The following GPAT4 variants were observed in gnomAD, a reference collection of about 807,000 sequenced individuals.
GPAT4 encodes the protein 1-AGP acyltransferase 6.
In GPAT4, 17 loss-of-function variants were observed where a neutral mutation model predicts 58.0. The observed-to-expected ratio is 0.29, with a 90% confidence interval of 0.20 to 0.44. GPAT4 has a LOEUF of 0.44. GPAT4 is among the 20% of genes least tolerant of loss of function. GPAT4 has a pLI of 1.00. For synonymous variants in GPAT4, 204 were observed against 210.1 expected (o/e 0.97, Z 0.25); for missense variants, 377 against 574.5 (o/e 0.66, Z 3.51).
At chr8:41,610,284 A>G (rs1803403687) in intron 4 of GPAT4, 2 of 1,238,424 alleles carry the variant, frequency 1.6e-6, no homozygotes, top group Admixed American at 4.1e-5. Context: ...CCTCTCAGGT[A>G]CAGGGGCAGT....
At chr8:41,600,031 C>CTTTTTTTTTTTTTTT (rs1563273268) in intron 2 of GPAT4, among the ~76,000 whole-genome samples, 9 of 75,444 alleles carry the variant, frequency 1.2e-4, no homozygotes, top group African/African-American at 4.5e-4. Flanking sequence ...TTATCTTTTT[C>CTTTTTTTTTTTTTTT]TTTTCTTTTT....
At chr8:41,606,702 A>C (rs1050111653) in intron 2 of GPAT4, among the ~76,000 whole-genome samples, 58 of 152,336 alleles carry the variant, frequency 3.8e-4, no homozygotes, top group African/African-American at 1.3e-3. Context: ...TGGCCAAAAA[A>C]CAGGCTATGG....
chr8:41,609,991 G>A (rs763745101), intron 4 of GPAT4, 36 bp downstream of exon 4: 1 of 1,562,944 alleles, frequency 6.4e-7, no homozygotes, highest in Non-Finnish European at 8.7e-7. Context: ...GCTCGCTGCT[G>A]CCACCCCACG....
chr8:41,606,567 A>G (rs1291550180), intron 2 of GPAT4, among the ~76,000 whole-genome samples: 1 of 152,218 alleles, frequency 6.6e-6, no homozygotes, highest in African/African-American at 2.4e-5. Context: ...AAGCAGATTA[A>G]TAAAAGAAAA....
At chr8:41,611,801 C>A in intron 5 of GPAT4, 102 bp from the exon 6 acceptor site, 2 of 1,016,658 alleles carry the variant, frequency 2.0e-6, no homozygotes, top group South Asian at 1.4e-5. Context: ...TCTATACAAG[C>A]ACTTTGCTGT....
chr8:41,599,322 A>C lies in GPAT4; in HGVS notation c.165+18A>C, dbSNP rs768082923. 6.2e-7 allele frequency: 1 copy of C among 1,612,886 alleles called. No individual in the cohort carries two copies. The highest frequency in any genetic ancestry group is 8.5e-7 in the Non-Finnish European group (1 of 1,179,672). ...TCTTTGCGGTAAGTTATGCTGTTAC[A>C]AAAGGTTGCTTCACAGAGGAGGGTA... On this transcript the variant is annotated intron_variant, in intron 2 of 12. Coordinates refer to ENST00000396987, the MANE Select transcript of GPAT4 (RefSeq NM_178819.4).
intron 2 of GPAT4, among the ~76,000 whole-genome samples, chr8:41,605,891 A>G (rs2150497987): frequency 6.6e-6 from 1 of 152,262 alleles, no homozygotes; most frequent in East Asian, 1.9e-4. Context: ...TTTTTGAACA[A>G]GAAAGTGACG....
At chr8:41,617,841 A>G (rs755434917) in intron 10 of GPAT4, among the ~76,000 whole-genome samples, 1 of 152,160 alleles carries the variant, frequency 6.6e-6, no homozygotes, top group Non-Finnish European at 1.5e-5. Flanking sequence ...ATCCCTTCAG[A>G]CATTCGCTGG....
At chr8:41,597,953 C>G (rs1802975898) in intron 1 of GPAT4, among the ~76,000 whole-genome samples, 1 of 152,242 alleles carries the variant, frequency 6.6e-6, no homozygotes, top group South Asian at 2.1e-4. Flanking sequence ...CGGAACCACT[C>G]TGAGTATCTG....
chr8:41,613,414 T>C (rs1355174723), intron 8 of GPAT4, among the ~76,000 whole-genome samples: 1 of 151,914 alleles, frequency 6.6e-6, no homozygotes, highest in Non-Finnish European at 1.5e-5. Context: ...ACCCTAGTAT[T>C]ATTTACCAAG....
intron 10 of GPAT4, 167 bp from the exon 11 acceptor site, chr8:41,618,517 T>C: frequency 1.2e-6 from 1 of 840,600 alleles, no homozygotes; most frequent in Non-Finnish European, 1.9e-6. Flanking sequence ...TTGCTCACAG[T>C]CAGAACCGGC....
chr8:41,616,697 C>G (rs1045185382), intron 10 of GPAT4, among the ~76,000 whole-genome samples: 1 of 152,146 alleles, frequency 6.6e-6, no homozygotes, highest in African/African-American at 2.4e-5. Context: ...TAGCTGCTGT[C>G]AGAACACGAA....
chr8:41,587,370 T>C (rs1802682931), intron 1 of GPAT4, among the ~76,000 whole-genome samples: 1 of 152,032 alleles, frequency 6.6e-6, no homozygotes, highest in Non-Finnish European at 1.5e-5. Context: ...GGAAATACAT[T>C]CAAATTCCCC....
At chr8:41,619,027 T>C (rs1395165830) in intron 12 of GPAT4, 50 bp downstream of exon 12, 1 of 1,587,410 alleles carries the variant, frequency 6.3e-7, no homozygotes, top group Non-Finnish European at 8.6e-7. Context: ...GCAGATGCTG[T>C]GTCATTGACT....
chr8:41,614,520 GC>G, intron 9 of GPAT4, 79 bp downstream of exon 9: 1 of 1,390,390 alleles, frequency 7.2e-7, no homozygotes. Context: ...GGGAACCAAG[GC>G]CCTCAGCCCT....
rs150362670 is a variant in GPAT4, at chr8:41,584,022, A to G, written c.-849+5744A>G. ...GGTGATCCTCCCACCTAAGCCTCCC[A>G]AATAGCTGGGATTACAGGAATGCAC... On this transcript the variant is annotated intron_variant, in intron 1 of 12. Transcript: ENST00000396987. 2.8e-4 allele frequency among the ~76,000 whole-genome samples: 43 copies of G among 152,232 alleles called. No homozygotes were observed. In the East Asian group the frequency reaches 7.3e-3, roughly 26 times the overall value.
intron 2 of GPAT4, among the ~76,000 whole-genome samples, chr8:41,601,620 G>A (rs2150494288): frequency 6.6e-6 from 1 of 152,292 alleles, no homozygotes; most frequent in African/African-American, 2.4e-5. Context: ...TTATTAAAAG[G>A]TAGAAGTAAG....
At chr8:41,580,826 T>G (rs1456244966) in intron 1 of GPAT4, among the ~76,000 whole-genome samples, 4 of 152,176 alleles carry the variant, frequency 2.6e-5, no homozygotes, top group African/African-American at 9.7e-5. Flanking sequence ...AGGCAACTGT[T>G]GTGTGTCTAT....
chr8:41,609,335 C>T (rs944362692), intron 2 of GPAT4, 81 bp from the exon 3 acceptor site: 1 of 1,427,124 alleles, frequency 7.0e-7, no homozygotes, highest in African/African-American at 1.4e-5. Flanking sequence ...CTGAGGCTTT[C>T]ACAGAATAGA....
Sources: gnomAD v4.1 joint callset for allele counts (sites outside exome capture counted in the v4.1 genomes callset) on GRCh38, gnomAD v4.1.1 for gene constraint, MANE v1.5 for transcripts, NCBI Gene and HGNC (gene_info 2026-07-23, HGNC 2026-07-21) for gene names.